Variants in OSTF1 observed in about 807,000 individuals in gnomAD.
OSTF1 encodes osteoclast-stimulating factor 1.
A neutral mutation model predicts 37.2 loss-of-function variants in OSTF1; 27 were observed. That is an observed-to-expected ratio of 0.73 (90% CI 0.54 to 1.00). OSTF1 has a LOEUF of 1.00. Among genes scored for constraint, OSTF1 ranks in the 50% least tolerant of loss-of-function variants. The probability of loss-of-function intolerance (pLI) is 0.00; values close to 1 mark genes in which losing one functional copy is unlikely to be tolerated. For synonymous variants in OSTF1, 82 were observed against 89.2 expected, an observed-to-expected ratio of 0.92 and a Z score of 0.46; for missense variants, 232 against 253.8, an observed-to-expected ratio of 0.91 and a Z score of 0.58.
In OSTF1 at chr9:75,104,532, C is replaced by A. The variant is rs1435820501; in HGVS notation, c.35-12972C>A. Among the ~76,000 whole-genome samples, 3 of 152,016 alleles carry A rather than the reference C, an allele frequency of 2.0e-5. No individual in the cohort carries two copies. In the East Asian group the frequency reaches 5.8e-4, roughly 29 times the overall value. On this transcript the variant is annotated intron_variant, in intron 1 of 9. Coordinates refer to ENST00000346234, the MANE Select transcript of OSTF1 (RefSeq NM_012383.5). ...TCCAGCCTGGGTGACAGAGTGAGACCCTGTCGCTAAAATTAAAAACAAACA... is the reference window on the plus strand; with the variant it reads ...TCCAGCCTGGGTGACAGAGTGAGACACTGTCGCTAAAATTAAAAACAAACA...
At chr9:75,117,612 C>T in intron 2 of OSTF1, 62 bp downstream of exon 2, 3 of 1,208,112 alleles carry the variant, frequency 2.5e-6, no homozygotes, top group Non-Finnish European at 2.4e-6. Context: ...TTTATTTAGA[C>T]ATTTCCTCTG....
chr9:75,122,094 T>G (rs1825589620), intron 2 of OSTF1, among the ~76,000 whole-genome samples: 2 of 152,218 alleles, frequency 1.3e-5, no homozygotes. Context: ...CCAGCTCCTT[T>G]TAATAAAGTG....
At chr9:75,124,419 G>T (rs961869497) in intron 2 of OSTF1, among the ~76,000 whole-genome samples, 2 of 151,988 alleles carry the variant, frequency 1.3e-5, no homozygotes, top group African/African-American at 4.8e-5. Flanking sequence ...CTCCCCCCAG[G>T]TTTGCCCATT....
chr9:75,145,162 C>CTAT (rs72279666), intron 9 of OSTF1, among the ~76,000 whole-genome samples: 11 of 144,308 alleles, frequency 7.6e-5, no homozygotes, highest in South Asian at 4.3e-4. Context: ...TATCTATCTA[C>CTAT]CTATCTATCT....
Position 75,133,357 on chromosome 9 carries a change from C to T in OSTF1, c.314C>T (p.Ala105Val). ...GTGGGTGTTAATGGCTTAGACAAAG[C>T]TGGAAGCACTGCCTTATACTGGGCT... ...NRVGVNGLDK[A>V]GSTALYWACH... Residue 105 changes from alanine to valine, a missense_variant, in exon 6 of 10, where the codon GCT becomes GTT. Coordinates refer to ENST00000346234, the MANE Select transcript of OSTF1 (RefSeq NM_012383.5). 6.2e-7 allele frequency: 1 copy of T among 1,612,810 alleles called. No homozygotes were observed. The highest frequency in any genetic ancestry group is 8.5e-7 in the Non-Finnish European group (1 of 1,178,912).
At chr9:75,137,718 C>A in intron 8 of OSTF1, 102 bp downstream of exon 8, 2 of 744,036 alleles carry the variant, frequency 2.7e-6, no homozygotes, top group Non-Finnish European at 4.8e-6. Flanking sequence ...AGTCTTATTT[C>A]AAAATAGGGT....
At chr9:75,103,097 T>A (rs933590988) in intron 1 of OSTF1, among the ~76,000 whole-genome samples, 14 of 151,626 alleles carry the variant, frequency 9.2e-5, no homozygotes, top group African/African-American at 3.4e-4. Flanking sequence ...GACCAGCCCA[T>A]GCAACATAAT....
intron 1 of OSTF1, among the ~76,000 whole-genome samples, chr9:75,098,303 G>T (rs1825124544): frequency 6.6e-6 from 1 of 152,188 alleles, no homozygotes; most frequent in Admixed American, 6.5e-5. Flanking sequence ...CATAAGTCCA[G>T]ATTTCCATGA....
At chr9:75,130,224 C>T (rs780692694) in intron 3 of OSTF1, among the ~76,000 whole-genome samples, 4 of 151,972 alleles carry the variant, frequency 2.6e-5, no homozygotes, top group Admixed American at 6.6e-5. Flanking sequence ...CTTCCTCCCC[C>T]ATAAAAAAAA....
intron 7 of OSTF1, among the ~76,000 whole-genome samples, chr9:75,134,884 T>TA (rs1825819384): frequency 6.6e-6 from 1 of 152,234 alleles, no homozygotes; most frequent in Non-Finnish European, 1.5e-5. Flanking sequence ...TTTCTGTACT[T>TA]ACTTTTTAAA....
chr9:75,123,969 C>T (rs1825622164), intron 2 of OSTF1, among the ~76,000 whole-genome samples: 1 of 152,126 alleles, frequency 6.6e-6, no homozygotes, highest in African/African-American at 2.4e-5. Flanking sequence ...TGAGAGGTGT[C>T]GAAGCGACTG....
intron 2 of OSTF1, among the ~76,000 whole-genome samples, chr9:75,119,823 G>T (rs11144240): frequency 0.22 from 33,388 of 152,090 alleles, 3,767 homozygotes; most frequent in Admixed American, 0.24. Flanking sequence ...AATTAGCTGG[G>T]TGTGGTGGTG....
rs1824871994 is a variant in OSTF1, at chr9:75,088,877, G to A, written c.34+151G>A. 4.3e-6 allele frequency: 3 copies of A among 695,610 alleles called. No individual in the cohort carries two copies. The South Asian group carries it at 4.9e-5, about 11-fold the overall frequency. 43.1% of individuals were successfully genotyped at this position (695,610 alleles called of 1,614,324 possible). Reference sequence around the variant, plus strand: ...CACCGGGATGGGCGCTCTTAGTTTTGCGTTCGCTGTTACGGAGGAGGGATC... The same window carrying A: ...CACCGGGATGGGCGCTCTTAGTTTTACGTTCGCTGTTACGGAGGAGGGATC... On this transcript the variant is annotated intron_variant, in intron 1 of 9. Coordinates refer to ENST00000346234, the MANE Select transcript of OSTF1 (RefSeq NM_012383.5).
At chr9:75,091,425 G>A (rs753419381) in intron 1 of OSTF1, among the ~76,000 whole-genome samples, 2 of 152,082 alleles carry the variant, frequency 1.3e-5, no homozygotes, top group African/African-American at 4.8e-5. Flanking sequence ...TCACACTGGC[G>A]GTCAAATGTG....
intron 1 of OSTF1, among the ~76,000 whole-genome samples, chr9:75,097,396 G>C (rs553593270): frequency 1.1e-4 from 16 of 152,160 alleles, no homozygotes; most frequent in African/African-American, 3.4e-4. Flanking sequence ...TCTAAATATT[G>C]GGGCTCTAAA....
In OSTF1 at chr9:75,134,347, T is replaced by C; in HGVS notation, c.360T>C (p.Asp120=). The C allele has an allele frequency of 6.5e-7, 1 of 1,536,110 alleles. No homozygotes were observed. Among genetic ancestry groups the C allele is most frequent in the Non-Finnish European group, 9.0e-7 (1 of 1,115,532 alleles). Residue 120 remains aspartate (D), a splice_region_variant and synonymous_variant, in exon 7 of 10, where the codon GAT becomes GAC. Transcript: ENST00000346234. The stretch of plus-strand genomic sequence containing the variant: ...GTATCTTTTCTCTTTGAATTTCAGA[T>C]ATAGTGGAAATGCTATTTACTCAAC... The part of the protein sequence containing the change: ...LYWACHGGHK[D]IVEMLFTQPN...
chr9:75,127,776 C>T (rs901905753), intron 3 of OSTF1, among the ~76,000 whole-genome samples, 157 bp downstream of exon 3: 3 of 151,896 alleles, frequency 2.0e-5, no homozygotes, highest in Non-Finnish European at 4.4e-5. Context: ...GAAAATAGCC[C>T]TTATTTCCAT....
chr9:75,100,541 C>G (rs754660495), intron 1 of OSTF1, among the ~76,000 whole-genome samples: 4 of 152,022 alleles, frequency 2.6e-5, no homozygotes, highest in Non-Finnish European at 4.4e-5. Context: ...ACCAGCCTGG[C>G]CAACATGGCG....
At chr9:75,141,225 T>C (rs1334965533) in intron 9 of OSTF1, among the ~76,000 whole-genome samples, 2 of 141,892 alleles carry the variant, frequency 1.4e-5, no homozygotes, top group African/African-American at 2.6e-5. Context: ...ACTTGAGCCC[T>C]GGGAGGTTGA....
Sources: allele counts gnomAD v4.1 joint callset (sites outside exome capture counted in the v4.1 genomes callset), GRCh38; gene constraint gnomAD v4.1.1; transcripts MANE v1.5; gene names NCBI Gene and HGNC (gene_info 2026-07-23, HGNC 2026-07-21).